Variants in RGSL1 observed in about 807,000 individuals in gnomAD.
RGSL1 encodes the protein regulator of G protein signaling like 1, also known as regulator of G protein signaling protein-like.
A neutral mutation model predicts 124.7 loss-of-function variants in RGSL1; 97 were observed. The observed-to-expected ratio is 0.78, with a 90% CI of 0.66 to 0.92. The LOEUF is 0.92. Ranked by LOEUF, RGSL1 falls within the 40% of genes least tolerant of loss-of-function variation. The pLI is 0.00. For missense variants in RGSL1, 1,233 were observed against 1,288.4 expected (o/e 0.96, Z 0.66); for synonymous variants, 424 against 438.1 (o/e 0.97, Z 0.40).
chr1:182,501,749 A>G (rs1028180746), intron 9 of RGSL1, among the ~76,000 whole-genome samples: 5 of 152,156 alleles, frequency 3.3e-5, no homozygotes, highest in Non-Finnish European at 7.4e-5. Context: ...ATTTATTATT[A>G]GGATCATGCT....
At chr1:182,513,290 G>A (rs1433201907) in intron 9 of RGSL1, among the ~76,000 whole-genome samples, 1 of 152,190 alleles carries the variant, frequency 6.6e-6, no homozygotes, top group African/African-American at 2.4e-5. Context: ...ATCTACCTAA[G>A]GGTCTCTGGC....
chr1:182,535,726 G>C (rs1171477651), intron 14 of RGSL1, among the ~76,000 whole-genome samples: 2 of 152,120 alleles, frequency 1.3e-5, no homozygotes, highest in East Asian at 1.9e-4. Flanking sequence ...ATCCTCAAGA[G>C]TTATGCATTC....
At chr1:182,460,494 A>G (rs1436886005) in intron 4 of RGSL1, 6 of 374,708 alleles carry the variant, frequency 1.6e-5, no homozygotes, top group Non-Finnish European at 1.0e-5. Context: ...AAATTGCCTA[A>G]TTTAGAACCA....
At chr1:182,525,874 G>A (rs1658705073) in intron 10 of RGSL1, among the ~76,000 whole-genome samples, 1 of 151,808 alleles carries the variant, frequency 6.6e-6, no homozygotes, top group South Asian at 2.1e-4. Flanking sequence ...GAAAAAAGAT[G>A]ACACAGATAA....
intron 8 of RGSL1, among the ~76,000 whole-genome samples, chr1:182,490,048 A>ATG (rs1174409817): frequency 6.6e-6 from 1 of 152,156 alleles, no homozygotes; most frequent in African/African-American, 2.4e-5. Flanking sequence ...GCACATATAT[A>ATG]TGAAAAAAAA....
intron 6 of RGSL1, among the ~76,000 whole-genome samples, chr1:182,484,250 T>C (rs910802413): frequency 1.3e-5 from 2 of 152,088 alleles, no homozygotes; most frequent in Non-Finnish European, 2.9e-5. Context: ...TGGGGTACTA[T>C]GTCATCTTAG....
chr1:182,544,759 T>C (rs1660105492), intron 15 of RGSL1, among the ~76,000 whole-genome samples: 1 of 152,090 alleles, frequency 6.6e-6, no homozygotes, highest in African/African-American at 2.4e-5. Flanking sequence ...TATGTCTCTT[T>C]TTAGAGTCTT....
intron 15 of RGSL1, among the ~76,000 whole-genome samples, 172 bp from the exon 16 acceptor site, chr1:182,548,145 T>A (rs1361627055): frequency 6.6e-6 from 1 of 152,214 alleles, no homozygotes; most frequent in East Asian, 1.9e-4. Context: ...TGACCTGTGA[T>A]AAGTGCTCAG....
chr1:182,467,878 G>T (rs1216306812), intron 4 of RGSL1, among the ~76,000 whole-genome samples: 1 of 152,064 alleles, frequency 6.6e-6, no homozygotes, highest in Non-Finnish European at 1.5e-5. Context: ...TCTGACAAAG[G>T]GCTAATATCC....
chr1:182,460,072 C>T lies in RGSL1; in HGVS notation c.240C>T (p.Asn80=), dbSNP rs374288911. Residue 80 remains asparagine, a synonymous_variant, in exon 4 of 22, where the codon AAC becomes AAT. Transcript: ENST00000294854. Reference sequence around the variant, plus strand: ...GATTACCTTTCTTCTGTAAAACAAACTTGTGTTTCCATTACATTCTCTGTC... The same window carrying T: ...GATTACCTTTCTTCTGTAAAACAAATTTGTGTTTCCATTACATTCTCTGTC... ...KCRLPFFCKT[N]LCFHYILCQE... 3.7e-5 allele frequency: 58 copies of T among 1,551,574 alleles called. No individual in the cohort carries two copies. Among genetic ancestry groups the T allele is most frequent in the South Asian group, 3.1e-4 (26 of 84,052 alleles).
chr1:182,474,089 C>T lies in RGSL1; in HGVS notation c.978C>T (p.Ser326=), dbSNP rs1251922181. ...KISSMENKAK[S]HLHMEAPFET... is the part of the protein sequence containing the mutation. ...CCAGCATGGAGAATAAAGCCAAGAG[C>T]CACCTCCACATGGAAGCCCCCTTTG... is the stretch of plus-strand genomic sequence containing the variant. Residue 326 remains serine, a synonymous_variant, in exon 6 of 22, where the codon AGC becomes AGT. Coordinates refer to ENST00000294854, the MANE Select transcript of RGSL1 (RefSeq NM_001137669.2). 2.6e-6 allele frequency: 4 copies of T among 1,551,656 alleles called. No individual in the cohort carries two copies. The highest frequency in any genetic ancestry group is 3.5e-6 in the Non-Finnish European group (4 of 1,147,010).
At chr1:182,506,429 T>C (rs1258206537) in intron 9 of RGSL1, among the ~76,000 whole-genome samples, 1 of 152,186 alleles carries the variant, frequency 6.6e-6, no homozygotes, top group East Asian at 1.9e-4. Context: ...TTTGCTTTAT[T>C]TGAGTCTACA....
chr1:182,477,075 A>G (rs578061553), intron 6 of RGSL1, among the ~76,000 whole-genome samples: 1 of 152,230 alleles, frequency 6.6e-6, no homozygotes, highest in Non-Finnish European at 1.5e-5. Flanking sequence ...CCATAGAAAC[A>G]TGGACTTGCC....
At chr1:182,479,348 G>A (rs1380075362) in intron 6 of RGSL1, among the ~76,000 whole-genome samples, 8 of 152,064 alleles carry the variant, frequency 5.3e-5, no homozygotes, top group Admixed American at 4.6e-4. Flanking sequence ...TGTAAACTAT[G>A]GCAAGTAGGA....
At chr1:182,449,267 A>T (rs1213769039), upstream of RGSL1, 2 of 152,214 alleles carry the variant, frequency 1.3e-5, no homozygotes, top group African/African-American at 4.8e-5. Context: ...TGGTCTTTAT[A>T]TATTCTAAAG....
rs1190786851 is a variant in RGSL1 at position 182,460,131 on chromosome 1, G to T, written c.299G>T (p.Gly100Val). 1.3e-6 allele frequency: 2 copies of T among 1,549,742 alleles called. No homozygotes were observed. Among genetic ancestry groups the T allele is most frequent in the Non-Finnish European group, 8.7e-7 (1 of 1,146,530 alleles). Residue 100 changes from glycine to valine, a missense_variant and splice_region_variant, in exon 4 of 22, where the codon GGA (glycine) becomes GTA (valine). Physicochemically the swap from Gly to Val is moderately radical, Grantham distance 109. Coordinates refer to ENST00000294854, the MANE Select transcript of RGSL1 (RefSeq NM_001137669.2). ...EFISFIKSPE[G>V]GEELVDFWIL... The stretch of plus-strand genomic sequence containing the variant: ...ATCAGTTTCATTAAGTCCCCAGAAG[G>T]AGGTAAGCATTGGTGTGCATGCGTG...
At chr1:182,559,785 CCATCACACAGA>C (rs1452760382) in intron 21 of RGSL1, among the ~76,000 whole-genome samples, 3 of 152,194 alleles carry the variant, frequency 2.0e-5, no homozygotes, top group South Asian at 2.1e-4. Flanking sequence ...CCTTTCTTCT[CCATCACACAGA>C]CATCACACTG....
chr1:182,548,396 T>A lies in RGSL1; in HGVS notation c.2749T>A (p.Ser917Thr). 6.4e-7 allele frequency: 1 copy of A among 1,551,744 alleles called. No individual in the cohort carries two copies. The highest frequency in any genetic ancestry group is 8.7e-7 in the Non-Finnish European group (1 of 1,146,992). ...YNENDVILMR[S>T]KMNIIQKLFL... ...TGAGAATGATGTGATCCTAATGCGG[T>A]CCAAAATGAACATTATCCAAAAACT... The change falls in exon 16 of 22, where the codon TCC (serine) becomes ACC (threonine). Residue 917 changes from serine (S) to threonine (T), a missense_variant. By Grantham distance (58) the Ser-to-Thr change is moderately conservative. Transcript: ENST00000294854.
chr1:182,484,833 T>C (rs1387026699), intron 6 of RGSL1, among the ~76,000 whole-genome samples: 1 of 151,804 alleles, frequency 6.6e-6, no homozygotes, highest in Non-Finnish European at 1.5e-5. Flanking sequence ...AGGGGAAGAG[T>C]GTGACAGCTG....
Sources: allele counts gnomAD v4.1 joint callset (sites outside exome capture counted in the v4.1 genomes callset), GRCh38; gene constraint gnomAD v4.1.1; transcripts MANE v1.5; gene names NCBI Gene and HGNC (gene_info 2026-07-23, HGNC 2026-07-21).